ERCC6: variants seen among roughly 807,000 people sequenced by gnomAD.
The protein encoded by ERCC6 is DNA excision repair protein ERCC-6.
In ERCC6, 116 loss-of-function variants were observed where a neutral mutation model predicts 158.7. That is an observed-to-expected ratio of 0.73 (90% CI 0.63 to 0.85). The LOEUF (loss-of-function observed/expected upper bound fraction) is 0.85, where lower values mean the gene tolerates loss of function less well. Ranked by LOEUF, ERCC6 falls within the 40% of genes least tolerant of loss-of-function variation. The pLI is 0.00. For missense variants in ERCC6, 1,698 were observed against 1,799.4 expected (o/e 0.94, Z 1.02); for synonymous variants, 678 against 659.3 (o/e 1.03, Z -0.43).
intron 5 of ERCC6, chr10:49,516,978 T>C: frequency 6.2e-7 from 1 of 1,614,068 alleles, no homozygotes; most frequent in Non-Finnish European, 8.5e-7. Flanking sequence ...TGTTCCACCT[T>C]CTTCATCTCC....
At chr10:49,476,093 A>G (rs771037718) in intron 12 of ERCC6, 122 bp downstream of exon 12, 14 of 755,500 alleles carry the variant, frequency 1.9e-5, no homozygotes, top group Non-Finnish European at 3.0e-5. Flanking sequence ...GCGGGACTTC[A>G]TGCAAGTGAA....
chr10:49,529,019 T>C (rs1837407452), intron 3 of ERCC6, among the ~76,000 whole-genome samples: 1 of 152,160 alleles, frequency 6.6e-6, no homozygotes, highest in Admixed American at 6.5e-5. Flanking sequence ...GTCCTTTTAG[T>C]ATTCTACCTA....
Position 49,464,770 on chromosome 10 carries a change from C to T in ERCC6, c.3779-3214G>A, listed in dbSNP as rs141650512. Among the ~76,000 whole-genome samples, 365 of 152,342 alleles carry T rather than the reference C, an allele frequency of 2.4e-3. 2 individuals are homozygous for T. Among genetic ancestry groups the T allele is most frequent in the African/African-American group, 8.3e-3 (344 of 41,584 alleles). ...AAGCCCCAAGCCTTGGGAGCTTCCA[C>T]ACAGTGTTGAGCCTGAGGGTGCACA... On this transcript the variant is annotated intron_variant, in intron 18 of 20. Transcript: ENST00000355832.
At chr10:49,487,323 T>TA (rs1194730637) in intron 8 of ERCC6, among the ~76,000 whole-genome samples, 1 of 152,218 alleles carries the variant, frequency 6.6e-6, no homozygotes, top group Non-Finnish European at 1.5e-5. Context: ...TTATTACTAT[T>TA]ATGACTACTC....
chr10:49,503,976 T>C (rs915109710), intron 6 of ERCC6: 2 of 152,154 alleles, frequency 1.3e-5, no homozygotes, highest in Non-Finnish European at 2.9e-5. Flanking sequence ...CTAAATTAGA[T>C]AGACAAATAT....
chr10:49,527,329 T>TA (rs1449094606), intron 4 of ERCC6, among the ~76,000 whole-genome samples: 1 of 152,316 alleles, frequency 6.6e-6, no homozygotes, highest in Admixed American at 6.5e-5. Context: ...ACACAGCAGT[T>TA]AAAAGCACTG....
chr10:49,488,323 T>G (rs554893111), intron 8 of ERCC6: 31 of 155,698 alleles, frequency 2.0e-4, no homozygotes, highest in African/African-American at 7.4e-4. Flanking sequence ...CACAGGCACA[T>G]GAAGGCCATT....
Position 49,513,972 on chromosome 10 carries a change from C to T in ERCC6, c.1398-7960G>A, listed in dbSNP as rs778615795. Among the ~76,000 whole-genome samples, 182 of 152,086 alleles carry T rather than the reference C, an allele frequency of 1.2e-3. 1 individual carries two copies. The highest frequency in any genetic ancestry group is 1.8e-3 in the Non-Finnish European group (123 of 67,982). Reference sequence around the variant, plus strand: ...TAATCAAGTTCCAGAGTCTATATTCCTATCTGTTACATAATACTGTCTTCA... The same window carrying T: ...TAATCAAGTTCCAGAGTCTATATTCTTATCTGTTACATAATACTGTCTTCA... On this transcript the variant is annotated intron_variant, in intron 5 of 20. Coordinates refer to ENST00000355832, the MANE Select transcript of ERCC6 (RefSeq NM_000124.4).
intron 1 of ERCC6, among the ~76,000 whole-genome samples, chr10:49,535,448 T>A (rs1377711577): frequency 1.3e-5 from 2 of 152,014 alleles, no homozygotes; most frequent in Non-Finnish European, 2.9e-5. Flanking sequence ...AGTGAGAAAG[T>A]TCCTTCTTTT....
intron 19 of ERCC6, among the ~76,000 whole-genome samples, chr10:49,461,106 C>A (rs1469178839): frequency 2.0e-5 from 3 of 152,168 alleles, no homozygotes; most frequent in Non-Finnish European, 4.4e-5. Flanking sequence ...TTTAACAACA[C>A]CATCTCTCAA....
Position 49,483,517 on chromosome 10 carries a change from C to T in ERCC6, c.1822-1G>A. ...GAGCAACATCTCGAATTAGTTTCTCCTGAGACCACAATAAAATGGTAAAGT... is the reference window on the plus strand; with the variant it reads ...GAGCAACATCTCGAATTAGTTTCTCTTGAGACCACAATAAAATGGTAAAGT... On this transcript the variant is annotated splice_acceptor_variant, in intron 8 of 20. Transcript: ENST00000355832. LOFTEE classifies it high-confidence loss of function. 6.2e-7 allele frequency: 1 copy of T among 1,613,928 alleles called. No individual in the cohort carries two copies. The highest frequency in any genetic ancestry group is 2.2e-5 in the East Asian group (1 of 44,850).
At chr10:49,511,647 GACT>G (rs1035665379) in intron 5 of ERCC6, among the ~76,000 whole-genome samples, 5 of 152,108 alleles carry the variant, frequency 3.3e-5, no homozygotes, top group Admixed American at 2.6e-4. Context: ...GCTGGTCTCA[GACT>G]ACTGACCTCA....
chr10:49,463,053 G>A (rs777051514), intron 18 of ERCC6, among the ~76,000 whole-genome samples: 19 of 152,208 alleles, frequency 1.2e-4, no homozygotes, highest in African/African-American at 2.2e-4. Flanking sequence ...CTGTGGTACA[G>A]GTTGAATATC....
rs4253059 is a variant in ERCC6 at position 49,519,848 on chromosome 10, G to A, written c.1397+4185C>T. Among the ~76,000 whole-genome samples, 509 of 152,260 alleles carry A rather than the reference G, an allele frequency of 3.3e-3. 2 individuals are homozygous for A. The highest frequency in any genetic ancestry group is 0.012 in the African/African-American group (485 of 41,556). On this transcript the variant is annotated intron_variant, in intron 5 of 20. Transcript: ENST00000355832. ...TCACCAAGCTCCCCTCAGAGTCAGC[G>A]GGAGCTCAGCCAAAGCACAAGTGCA...
Position 49,530,984 on chromosome 10 carries a change from T to C in ERCC6, c.423-144A>G, listed in dbSNP as rs947241985. On this transcript the variant is annotated intron_variant, in intron 2 of 20. Coordinates refer to ENST00000355832, the MANE Select transcript of ERCC6 (RefSeq NM_000124.4). ...AACTAAACCAGAATACATACCCTTA[T>C]TGGCCACAAATAAAACTTGTAGGAT... 10 of 1,185,916 alleles carry C rather than the reference T, an allele frequency of 8.4e-6. No individual in the cohort carries two copies. The African/African-American group carries it at 1.6e-4, about 18-fold the overall frequency. 73.5% of individuals were successfully genotyped at this position (1,185,916 alleles called of 1,614,324 possible).
rs555089294 is a variant in ERCC6 at position 49,539,014 on chromosome 10, G to T, written c.-67C>A. The T allele has an allele frequency of 6.5e-6, 1 of 152,746 alleles. No individual in the cohort carries two copies. Among genetic ancestry groups the T allele is most frequent in the East Asian group, 1.9e-4 (1 of 5,184 alleles). 9.5% of individuals were successfully genotyped at this position (152,746 alleles called of 1,614,324 possible). On this transcript the variant is annotated 5_prime_UTR_variant, in exon 1 of 21. Transcript: ENST00000355832. The stretch of plus-strand genomic sequence containing the variant: ...AACAGAGACGCTACCGCCGCCAGCC[G>T]CCTTGGAACCCAGCTCGACGGGCCG...
At chr10:49,537,382 A>T (rs934686884) in intron 1 of ERCC6, among the ~76,000 whole-genome samples, 1 of 151,668 alleles carries the variant, frequency 6.6e-6, no homozygotes. Flanking sequence ...TCATACATTT[A>T]ACAAATAGTT....
intron 1 of ERCC6, among the ~76,000 whole-genome samples, chr10:49,536,175 A>C (rs1469291815): frequency 6.6e-6 from 1 of 152,178 alleles, no homozygotes; most frequent in East Asian, 1.9e-4. Context: ...GTAGTGGTTG[A>C]AATGTAGTTG....
chr10:49,453,160 T>C (rs1850439753), downstream of ERCC6, among the ~76,000 whole-genome samples: 1 of 152,136 alleles, frequency 6.6e-6, no homozygotes, highest in Admixed American at 6.5e-5. Context: ...AAGGTAGTAT[T>C]TTAATTTGAT....
Sources: allele counts gnomAD v4.1 joint callset (sites outside exome capture counted in the v4.1 genomes callset), GRCh38; gene constraint gnomAD v4.1.1; transcripts MANE v1.5; gene names NCBI Gene and HGNC (gene_info 2026-07-23, HGNC 2026-07-21).